CLDN10: variants seen among roughly 807,000 people sequenced by gnomAD.
The protein encoded by CLDN10 is claudin 10.
Under a neutral mutation model 22.9 loss-of-function variants are expected in CLDN10, and 15 were observed. The observed-to-expected ratio is 0.65, with a 90% CI of 0.44 to 1.01. The LOEUF is 1.01. Ranked by LOEUF, CLDN10 falls within the 50% of genes least tolerant of loss-of-function variation. CLDN10 has a pLI of 0.00. For missense variants in CLDN10, 247 were observed against 287.8 expected (o/e 0.86, Z 1.03); for synonymous variants, 114 against 111.4 (o/e 1.02, Z -0.15).
chr13:95,565,089 C>G (rs1346809217), intron 3 of CLDN10, among the ~76,000 whole-genome samples: 1 of 151,536 alleles, frequency 6.6e-6, no homozygotes, highest in Non-Finnish European at 1.5e-5. Flanking sequence ...CTGTGTCAAA[C>G]TAACTTCCTC....
chr13:95,511,273 T>C (rs1419398871), intron 1 of CLDN10, among the ~76,000 whole-genome samples: 1 of 152,028 alleles, frequency 6.6e-6, no homozygotes, highest in South Asian at 2.1e-4. Flanking sequence ...TCCAAGCCAT[T>C]GTGGGATTTT....
intron 1 of CLDN10, among the ~76,000 whole-genome samples, chr13:95,536,679 A>G (rs961357927): frequency 6.6e-6 from 1 of 152,162 alleles, no homozygotes; most frequent in Non-Finnish European, 1.5e-5. Context: ...TGCAGTTACA[A>G]AATCTTCACC....
At chr13:95,515,206 TG>T (rs2043151152) in intron 1 of CLDN10, among the ~76,000 whole-genome samples, 2 of 151,920 alleles carry the variant, frequency 1.3e-5, no homozygotes, top group African/African-American at 2.4e-5. Context: ...TTGTTGTTGT[TG>T]TTGTTTTTTG....
intron 3 of CLDN10, among the ~76,000 whole-genome samples, chr13:95,565,937 C>T (rs947789413): frequency 6.6e-6 from 1 of 152,156 alleles, no homozygotes; most frequent in Non-Finnish European, 1.5e-5. Flanking sequence ...CATCCATATC[C>T]CTGCCAAGGA....
chr13:95,434,478 A>AACAC (rs55653913), intron 1 of CLDN10, among the ~76,000 whole-genome samples: 21,696 of 145,584 alleles, frequency 0.15, 1,687 homozygotes, highest in Non-Finnish European at 0.17. Flanking sequence ...TACACCCACA[A>AACAC]ACACACACAC....
At chr13:95,477,136 G>GATCTAAGAGA (rs2042692319) in intron 1 of CLDN10, among the ~76,000 whole-genome samples, 1 of 152,184 alleles carries the variant, frequency 6.6e-6, no homozygotes. Context: ...CTTACTCTCA[G>GATCTAAGAGA]ATCTAAGAGA....
At chr13:95,505,473 A>G (rs1295315838) in intron 1 of CLDN10, among the ~76,000 whole-genome samples, 1 of 152,212 alleles carries the variant, frequency 6.6e-6, no homozygotes, top group African/African-American at 2.4e-5. Context: ...CATTCGTATA[A>G]GGACTATGGT....
rs780073318 is a variant in CLDN10 at position 95,474,137 on chromosome 13, T to A, written c.214+40090T>A. ...CATAACGTAGAATCAGTGGGAGCCC[T>A]GAGCTTGTTTTACTGAAACTAGACG... On this transcript the variant is annotated intron_variant, in intron 1 of 4. Transcript: ENST00000376873. Among the ~76,000 whole-genome samples the A allele has an allele frequency of 9.2e-5, 14 of 152,302 alleles. 1 individual carries two copies. Among genetic ancestry groups the A allele is most frequent in the Non-Finnish European group, 1.3e-4 (9 of 68,024 alleles).
At chr13:95,510,759 A>C (rs1473749696) in intron 1 of CLDN10, among the ~76,000 whole-genome samples, 1 of 152,176 alleles carries the variant, frequency 6.6e-6, no homozygotes, top group Non-Finnish European at 1.5e-5. Context: ...ACAATAAAGA[A>C]ATATTTTAAT....
rs537635169 is a variant in CLDN10 at position 95,570,829 on chromosome 13, TAC to T, written c.465-6384_465-6383del. On this transcript the variant is annotated intron_variant, in intron 3 of 4. Transcript: ENST00000299339. Reference sequence around the variant, plus strand: ...CATAATTTAAAAATGTATATATATATACACACACACACACACACATATACGTG... The same window carrying T: ...CATAATTTAAAAATGTATATATATATACACACACACACACACATATACGTG... Among the ~76,000 whole-genome samples the T allele has an allele frequency of 1.5e-3, 193 of 129,288 alleles. 1 individual carries two copies. Among genetic ancestry groups the T allele is most frequent in the South Asian group, 0.014 (53 of 3,778 alleles). 84.8% of individuals were successfully genotyped at this position (129,288 alleles called of 152,430 possible).
chr13:95,444,573 A>G lies in CLDN10; in HGVS notation c.214+10526A>G, dbSNP rs192587283. Among the ~76,000 whole-genome samples the G allele has an allele frequency of 8.9e-4, 135 of 152,310 alleles. 2 individuals carry two copies. The highest frequency in any genetic ancestry group is 3.0e-3 in the African/African-American group (125 of 41,572). Reference sequence around the variant, plus strand: ...ATTGGACGGTTAAGTTCAGGGGGACACTGACTTCTCAAAGAGCTGAGGCTT... The same window carrying G: ...ATTGGACGGTTAAGTTCAGGGGGACGCTGACTTCTCAAAGAGCTGAGGCTT... On this transcript the variant is annotated intron_variant, in intron 1 of 4. Coordinates refer to the CLDN10 transcript ENST00000376873.
At chr13:95,536,236 A>T (rs1159738200) in intron 1 of CLDN10, among the ~76,000 whole-genome samples, 3 of 151,876 alleles carry the variant, frequency 2.0e-5, no homozygotes, top group African/African-American at 4.8e-5. Flanking sequence ...AGATCACCTG[A>T]GGTCAGGAGT....
chr13:95,566,467 G>A (rs575090349), intron 3 of CLDN10, among the ~76,000 whole-genome samples: 1 of 152,054 alleles, frequency 6.6e-6, no homozygotes, highest in Non-Finnish European at 1.5e-5. Flanking sequence ...CTTTTTGATG[G>A]GGTTGTTTTT....
At chr13:95,527,809 G>A (rs1390745299) in intron 1 of CLDN10, among the ~76,000 whole-genome samples, 1 of 152,162 alleles carries the variant, frequency 6.6e-6, no homozygotes, top group Non-Finnish European at 1.5e-5. Flanking sequence ...TCATCTTATG[G>A]TGAAATATTC....
chr13:95,463,010 C>T (rs2042548804), intron 1 of CLDN10, among the ~76,000 whole-genome samples: 2 of 151,954 alleles, frequency 1.3e-5, no homozygotes, highest in Non-Finnish European at 2.9e-5. Context: ...GCCTTCAGAG[C>T]CTTTGTGTTT....
chr13:95,463,699 GCAGT>G (rs1259328721), intron 1 of CLDN10, among the ~76,000 whole-genome samples: 4 of 152,014 alleles, frequency 2.6e-5, no homozygotes, highest in Admixed American at 6.6e-5. Context: ...ACTATTTACA[GCAGT>G]CAGTCAGAAC....
rs548092862 is a variant in CLDN10, at chr13:95,435,709, G to A, written c.214+1662G>A. On this transcript the variant is annotated intron_variant, in intron 1 of 4. Transcript: ENST00000376873. Reference sequence around the variant, plus strand: ...TTGTCACTCTGCACCTCTTACAATCGTTCTTTCTCCAGGGGCCCCTCTTGG... The same window carrying A: ...TTGTCACTCTGCACCTCTTACAATCATTCTTTCTCCAGGGGCCCCTCTTGG... 6.4e-4 allele frequency among the ~76,000 whole-genome samples: 97 copies of A among 152,226 alleles called. 1 individual carries two copies. Among genetic ancestry groups the A allele is most frequent in the Non-Finnish European group, 1.2e-3 (82 of 68,012 alleles).
chr13:95,553,379 C>T (rs1018768603), intron 1 of CLDN10, among the ~76,000 whole-genome samples: 19 of 152,154 alleles, frequency 1.2e-4, no homozygotes, highest in African/African-American at 4.3e-4. Flanking sequence ...CCTACGTTCC[C>T]CGAAGGCTGG....
intron 1 of CLDN10, among the ~76,000 whole-genome samples, chr13:95,545,912 C>T (rs1177849664): frequency 6.6e-6 from 1 of 152,082 alleles, no homozygotes; most frequent in Non-Finnish European, 1.5e-5. Context: ...GCTCAAAGCA[C>T]GCAGAAGACA....
Sources: gnomAD v4.1 joint callset for allele counts (sites outside exome capture counted in the v4.1 genomes callset) on GRCh38, gnomAD v4.1.1 for gene constraint, MANE v1.5 for transcripts, NCBI Gene and HGNC (gene_info 2026-07-23, HGNC 2026-07-21) for gene names.